The following RLF variants were observed in gnomAD, a reference collection of about 807,000 sequenced individuals.
The protein encoded by RLF is zinc finger protein Rlf.
A neutral mutation model predicts 162.9 loss-of-function variants in RLF; 7 were observed. That is an observed-to-expected ratio of 0.04 (90% confidence interval 0.02 to 0.08). The LOEUF is 0.08. RLF is among the 10% of genes least tolerant of loss of function. RLF has a pLI of 1.00. For missense variants in RLF, 1,664 were observed against 2,244.7 expected, an observed-to-expected ratio of 0.74 and a Z score of 5.23; for synonymous variants, 782 against 791.5, an observed-to-expected ratio of 0.99 and a Z score of 0.20.
chr1:40,186,650 T>G (rs1642485239), intron 1 of RLF, among the ~76,000 whole-genome samples: 1 of 152,218 alleles, frequency 6.6e-6, no homozygotes, highest in South Asian at 2.1e-4. Context: ...CATGTGTGGT[T>G]TCAGCCATCA....
At chr1:40,201,173 A>T (rs1642714691) in intron 4 of RLF, among the ~76,000 whole-genome samples, 1 of 147,870 alleles carries the variant, frequency 6.8e-6, no homozygotes. Context: ...TCCCTAGGTG[A>T]TCTAGGCACT....
rs79257271 is a variant in RLF at position 40,207,140 on chromosome 1, C to T, written c.810+4526C>T. On this transcript the variant is annotated intron_variant, in intron 5 of 7. Transcript: ENST00000372771. ...ATTGTAAACTCCGGAAGGACAGGAA[C>T]ATAGGTTGTTTACTGGTATATCCCT... Among the ~76,000 whole-genome samples the T allele has an allele frequency of 9.4e-3, 1,427 of 152,302 alleles. 20 individuals are homozygous for T. Among genetic ancestry groups the T allele is most frequent in the African/African-American group, 0.032 (1,323 of 41,554 alleles).
Position 40,240,493 on chromosome 1 carries a change from T to C in RLF, c.*46T>C. 7.3e-7 allele frequency: 1 copy of C among 1,361,894 alleles called. No homozygotes were observed. Among genetic ancestry groups the C allele is most frequent in the Non-Finnish European group, 1.0e-6 (1 of 973,608 alleles). 84.4% of individuals were successfully genotyped at this position (1,361,894 alleles called of 1,614,324 possible). A position where few individuals can be genotyped will look rare whatever the true frequency, so the allele number is the denominator to read the frequency against. ...ACAGACTGGCTCCAACACTGCAACATGGGGACATTTGCCAACTCGAACAAA... is the reference window on the plus strand; with the variant it reads ...ACAGACTGGCTCCAACACTGCAACACGGGGACATTTGCCAACTCGAACAAA... On this transcript the variant is annotated 3_prime_UTR_variant, in exon 8 of 8. Transcript: ENST00000372771.
chr1:40,222,938 T>A (rs1481230371), intron 6 of RLF, among the ~76,000 whole-genome samples: 1 of 152,200 alleles, frequency 6.6e-6, no homozygotes, highest in Non-Finnish European at 1.5e-5. Context: ...TTAACTCCAA[T>A]ATATGTCTTC....
chr1:40,220,865 A>G (rs1308994065), intron 5 of RLF, among the ~76,000 whole-genome samples: 1 of 151,920 alleles, frequency 6.6e-6, no homozygotes, highest in Non-Finnish European at 1.5e-5. Context: ...TTGGCTCACA[A>G]CTATAATCCC....
chr1:40,187,635 A>G lies in RLF; in HGVS notation c.238-1420A>G, dbSNP rs543925217. Reference sequence around the variant, plus strand: ...AGGTATGCAAAGATCAGATAATGCAATATATTAGTTAAGGGAACTTTTACT... The same window carrying G: ...AGGTATGCAAAGATCAGATAATGCAGTATATTAGTTAAGGGAACTTTTACT... On this transcript the variant is annotated intron_variant, in intron 1 of 7. Coordinates refer to ENST00000372771, the MANE Select transcript of RLF (RefSeq NM_012421.4). Among the ~76,000 whole-genome samples the G allele has an allele frequency of 3.3e-4, 51 of 152,322 alleles. 2 individuals carry two copies. Among genetic ancestry groups the G allele is most frequent in the African/African-American group, 1.2e-3 (51 of 41,580 alleles).
intron 5 of RLF, among the ~76,000 whole-genome samples, chr1:40,206,355 T>C (rs2124545099): frequency 6.6e-6 from 1 of 152,326 alleles, no homozygotes; most frequent in South Asian, 2.1e-4. Context: ...TAAGCTGGGA[T>C]TCAAACCTGA....
At chr1:40,214,947 T>TAAAAAAAAAAAA (rs1642906912) in intron 5 of RLF, among the ~76,000 whole-genome samples, 71 of 65,026 alleles carry the variant, frequency 1.1e-3, no homozygotes, top group East Asian at 5.2e-3. Flanking sequence ...AAAAAAAAAC[T>TAAAAAAAAAAAA]AAAGTATGAG....
chr1:40,203,385 G>C (rs1406704819), intron 5 of RLF, among the ~76,000 whole-genome samples: 1 of 151,698 alleles, frequency 6.6e-6, no homozygotes, highest in Non-Finnish European at 1.5e-5. Flanking sequence ...ACTACTAAAA[G>C]TACAAACATT....
Position 40,238,659 on chromosome 1 carries a change from C to T in RLF, c.3957C>T (p.Ser1319=), listed in dbSNP as rs1490152558. Residue 1319 remains serine, a synonymous_variant, in exon 8 of 8, where the codon TCC becomes TCT. Coordinates refer to ENST00000372771, the MANE Select transcript of RLF (RefSeq NM_012421.4). This position sits in a 1 kb window ranked among gnomAD's most constrained non-coding sequence, Gnocchi z 5.2. ...ATTGTATTCATAAAACTTGCAACTCCTCATTCACCAATCTAAAAGGCTTAA... is the reference window on the plus strand; with the variant it reads ...ATTGTATTCATAAAACTTGCAACTCTTCATTCACCAATCTAAAAGGCTTAA... ...PFHCIHKTCN[S]SFTNLKGLIR... 2 of 1,613,268 alleles carry T rather than the reference C, an allele frequency of 1.2e-6. No homozygotes were observed. The highest frequency in any genetic ancestry group is 1.7e-5 in the Admixed American group (1 of 59,944).
rs564801454 is a variant in RLF at position 40,170,621 on chromosome 1, T to C, written c.237+8985T>C. Among the ~76,000 whole-genome samples, 3 of 152,340 alleles carry C rather than the reference T, an allele frequency of 2.0e-5. No individual in the cohort carries two copies. The South Asian group carries it at 6.2e-4, about 32-fold the overall frequency. The stretch of plus-strand genomic sequence containing the variant: ...TGGTTCTCGCTATTTGCAGATACTG[T>C]ATTTGTGCATTAGCCTACTTGCTAA... On this transcript the variant is annotated intron_variant, in intron 1 of 7. Coordinates refer to ENST00000372771, the MANE Select transcript of RLF (RefSeq NM_012421.4).
At chr1:40,175,588 G>T (rs180734609) in intron 1 of RLF, among the ~76,000 whole-genome samples, 189 of 152,168 alleles carry the variant, frequency 1.2e-3, no homozygotes, top group Middle Eastern at 3.4e-3. Context: ...GGCGGAGGTT[G>T]CAGTGAGCTG....
intron 7 of RLF, 151 bp downstream of exon 7, chr1:40,231,809 G>C (rs974585660): frequency 1.2e-5 from 8 of 660,158 alleles, no homozygotes; most frequent in Non-Finnish European, 1.9e-5. Context: ...TGTTTCTCCA[G>C]ATTGACTTCC....
intron 5 of RLF, among the ~76,000 whole-genome samples, chr1:40,214,299 A>G (rs1642896944): frequency 6.6e-6 from 1 of 152,230 alleles, no homozygotes; most frequent in African/African-American, 2.4e-5. Context: ...TCTAATCACC[A>G]TTTGAAACCA....
At chr1:40,168,539 G>A (rs1056588007) in intron 1 of RLF, among the ~76,000 whole-genome samples, 11 of 152,126 alleles carry the variant, frequency 7.2e-5, no homozygotes, top group African/African-American at 1.7e-4. Flanking sequence ...CATTGCACCC[G>A]GCCAAGAAAG....
chr1:40,200,297 A>C (rs1262162741), intron 4 of RLF, among the ~76,000 whole-genome samples: 1 of 152,234 alleles, frequency 6.6e-6, no homozygotes, highest in East Asian at 1.9e-4. Flanking sequence ...GCAGTTTGGC[A>C]GTATGAGTCA....
At chr1:40,215,038 G>A (rs1642908672) in intron 5 of RLF, among the ~76,000 whole-genome samples, 3 of 151,318 alleles carry the variant, frequency 2.0e-5, no homozygotes, top group Admixed American at 1.3e-4. Context: ...GTCAAAAAGT[G>A]CAGCAACTCA....
At chr1:40,178,626 T>TTTG (rs1553172409) in intron 1 of RLF, among the ~76,000 whole-genome samples, 19 of 146,326 alleles carry the variant, frequency 1.3e-4, no homozygotes, top group African/African-American at 4.9e-4. Flanking sequence ...GGTGTTTTTT[T>TTTG]TTTTTGTTTT....
chr1:40,215,544 GA>G lies in RLF; in HGVS notation c.811-7021del, dbSNP rs766144410. Among the ~76,000 whole-genome samples, 6 of 150,682 alleles carry G rather than the reference GA, an allele frequency of 4.0e-5. No individual in the cohort carries two copies. The Middle Eastern group carries it at 0.014, about 344-fold the overall frequency. On this transcript the variant is annotated intron_variant, in intron 5 of 7. Coordinates refer to ENST00000372771, the MANE Select transcript of RLF (RefSeq NM_012421.4). ...CTTCCCAAATAACCAATGGATTAAA[GA>G]AAAAAAAAGAAATTAGAGAGTAAGT...
Sources: gnomAD v4.1 joint callset for allele counts (sites outside exome capture counted in the v4.1 genomes callset) on GRCh38, gnomAD v4.1.1 for gene constraint, Gnocchi (gnomAD v3.1) non-coding constraint, MANE v1.5 for transcripts, NCBI Gene and HGNC (gene_info 2026-07-23, HGNC 2026-07-21) for gene names.